MAP2K1: variants seen among roughly 807,000 people sequenced by gnomAD.
The protein encoded by MAP2K1 is dual specificity mitogen-activated protein kinase kinase 1.
MAP2K1 carries 16 observed loss-of-function variants against 46.3 expected under a neutral mutation model. The observed-to-expected ratio is 0.35, with a 90% CI of 0.23 to 0.52. The LOEUF (loss-of-function observed/expected upper bound fraction) is 0.52, where lower values mean the gene tolerates loss of function less well. MAP2K1 is among the 20% of genes least tolerant of loss of function. The pLI, the probability that MAP2K1 is intolerant of heterozygous loss-of-function variation, is 0.94. For synonymous variants in MAP2K1, 183 were observed against 185.6 expected (o/e 0.99, Z 0.11); for missense variants, 263 against 497.1 (o/e 0.53, Z 4.48).
intron 1 of MAP2K1, chr15:66,401,832 A>G (rs1421129245): frequency 1.8e-6 from 1 of 549,944 alleles, no homozygotes; most frequent in Non-Finnish European, 3.4e-6. Context: ...GCAGGAAGAG[A>G]GCACGGGATG....
At chr15:66,452,298 A>AAG (rs1268802135) in intron 5 of MAP2K1, among the ~76,000 whole-genome samples, 1,728 of 38,240 alleles carry the variant, frequency 0.045, 36 homozygotes, top group African/African-American at 0.12. Flanking sequence ...AAAAAAAAAA[A>AAG]AAAAAGAAAA....
chr15:66,417,306 A>C (rs549991787), intron 1 of MAP2K1, among the ~76,000 whole-genome samples: 6 of 152,256 alleles, frequency 3.9e-5, no homozygotes, highest in Admixed American at 2.0e-4. Context: ...GCAGTGTCTT[A>C]CGCCTGTAAT....
chr15:66,470,350 A>T (rs1292125767), intron 5 of MAP2K1, among the ~76,000 whole-genome samples: 1 of 152,136 alleles, frequency 6.6e-6, no homozygotes, highest in Non-Finnish European at 1.5e-5. Flanking sequence ...TAGCCAAGAC[A>T]AACCCTAATT....
chr15:66,465,642 TCAC>T (rs1326142922), intron 5 of MAP2K1, among the ~76,000 whole-genome samples: 2 of 152,012 alleles, frequency 1.3e-5, no homozygotes, highest in Non-Finnish European at 2.9e-5. Flanking sequence ...GTCTCTTCCC[TCAC>T]CACCACACTC....
intron 3 of MAP2K1, among the ~76,000 whole-genome samples, chr15:66,439,236 G>T (rs938038389): frequency 2.6e-5 from 4 of 152,192 alleles, no homozygotes; most frequent in Non-Finnish European, 5.9e-5. Context: ...ACCTCTGTTC[G>T]ATAGCCACAT....
chr15:66,442,560 T>C (rs1476277186), intron 3 of MAP2K1, among the ~76,000 whole-genome samples: 4 of 152,178 alleles, frequency 2.6e-5, no homozygotes, highest in Admixed American at 6.5e-5. Context: ...TTCATTGTAA[T>C]GTTGGGAAAA....
intron 5 of MAP2K1, among the ~76,000 whole-genome samples, chr15:66,458,270 A>C (rs1892223254): frequency 4.6e-5 from 7 of 152,180 alleles, no homozygotes; most frequent in Admixed American, 4.6e-4. Flanking sequence ...ACCTGCTCTA[A>C]TTATCAAGGC....
chr15:66,398,761 A>G (rs1427085358), intron 1 of MAP2K1, among the ~76,000 whole-genome samples: 1 of 143,688 alleles, frequency 7.0e-6, no homozygotes, highest in Non-Finnish European at 1.5e-5. Flanking sequence ...TGAGTAGAGT[A>G]TTGCTAATTT....
intron 1 of MAP2K1, chr15:66,402,003 A>T: frequency 7.5e-7 from 1 of 1,335,640 alleles, no homozygotes; most frequent in South Asian, 1.2e-5. Flanking sequence ...ATCACATGCA[A>T]ATTTTTCTTC....
intron 1 of MAP2K1, among the ~76,000 whole-genome samples, chr15:66,417,275 C>T (rs139736717): frequency 1.3e-5 from 2 of 152,270 alleles, no homozygotes; most frequent in African/African-American, 4.8e-5. Flanking sequence ...CCTAGTTTAA[C>T]ATGTTGAATG....
intron 1 of MAP2K1, among the ~76,000 whole-genome samples, chr15:66,432,949 C>G (rs569892511): frequency 1.9e-4 from 19 of 102,598 alleles, no homozygotes; most frequent in South Asian, 4.0e-4. Context: ...TCCATTCCCC[C>G]ATCATGCACA....
intron 5 of MAP2K1, among the ~76,000 whole-genome samples, chr15:66,464,415 T>C (rs1333067251): frequency 6.6e-6 from 1 of 152,242 alleles, no homozygotes; most frequent in African/African-American, 2.4e-5. Flanking sequence ...TTATTTTCTT[T>C]TGAAGTTGTC....
intron 6 of MAP2K1, among the ~76,000 whole-genome samples, chr15:66,482,423 T>A (rs901954649): frequency 6.6e-6 from 1 of 152,152 alleles, no homozygotes; most frequent in African/African-American, 2.4e-5. Flanking sequence ...CCTCACTATG[T>A]CTGTCAGACA....
At chr15:66,447,109 G>C (rs568595207) in intron 5 of MAP2K1, among the ~76,000 whole-genome samples, 1 of 152,226 alleles carries the variant, frequency 6.6e-6, no homozygotes, top group Non-Finnish European at 1.5e-5. Flanking sequence ...TGTTGGAACT[G>C]ACTGGACAGC....
At chr15:66,481,208 A>G (rs1027859014) in intron 5 of MAP2K1, among the ~76,000 whole-genome samples, 4 of 152,124 alleles carry the variant, frequency 2.6e-5, no homozygotes, top group African/African-American at 9.7e-5. Flanking sequence ...GAATGGAATC[A>G]TGACTCAGCT....
chr15:66,453,063 A>G (rs938795826), intron 5 of MAP2K1, among the ~76,000 whole-genome samples: 1 of 152,206 alleles, frequency 6.6e-6, no homozygotes, highest in Non-Finnish European at 1.5e-5. Context: ...CCAAGGACCC[A>G]TGTCTCTTAC....
intron 1 of MAP2K1, among the ~76,000 whole-genome samples, chr15:66,422,220 C>T (rs997351651): frequency 1.3e-5 from 2 of 152,126 alleles, no homozygotes; most frequent in Non-Finnish European, 2.9e-5. Flanking sequence ...AGTGCTTGTT[C>T]GTATACATTC....
chr15:66,469,855 C>G lies in MAP2K1; in HGVS notation c.569-11900C>G, dbSNP rs73471731. Among the ~76,000 whole-genome samples, 1,268 of 150,008 alleles carry G rather than the reference C, an allele frequency of 8.5e-3. 27 individuals are homozygous for G. The highest frequency in any genetic ancestry group is 0.03 in the African/African-American group (1,211 of 40,702). On this transcript the variant is annotated intron_variant, in intron 5 of 10. Coordinates refer to ENST00000307102, the MANE Select transcript of MAP2K1 (RefSeq NM_002755.4). ...GTTTCAGAAGTACCAAATATCAAAC[C>G]TTTCAGAAAGGGCTTGATTTAGGAA...
In MAP2K1 at chr15:66,435,350, A is replaced by AT. The variant is rs1284189938; in HGVS notation, c.291+113_291+114insT. 14 of 583,908 alleles carry AT rather than the reference A, an allele frequency of 2.4e-5. No individual in the cohort carries two copies. The African/African-American group carries it at 6.0e-4, about 25-fold the overall frequency. 36.2% of individuals were successfully genotyped at this position (583,908 alleles called of 1,614,324 possible). A position where few individuals can be genotyped will look rare whatever the true frequency, so the allele number is the denominator to read the frequency against. ...ACTCAATACCTTTTTGTGCTGTTTG[A>AT]ATTTTTTTTTTTTTTTAAGACGGAG... On this transcript the variant is annotated intron_variant, in intron 2 of 10. Coordinates refer to ENST00000307102, the MANE Select transcript of MAP2K1 (RefSeq NM_002755.4).
Sources: gnomAD v4.1 joint callset for allele counts (sites outside exome capture counted in the v4.1 genomes callset) on GRCh38, gnomAD v4.1.1 for gene constraint, MANE v1.5 for transcripts, NCBI Gene and HGNC (gene_info 2026-07-23, HGNC 2026-07-21) for gene names.